VAC14: variants seen among roughly 807,000 people sequenced by gnomAD.
VAC14 encodes the protein protein VAC14 homolog.
Under a neutral mutation model 85.3 loss-of-function variants are expected in VAC14, and 47 were observed. The observed-to-expected ratio is 0.55, with a 90% CI of 0.44 to 0.70. The LOEUF is 0.70. VAC14 is among the 30% of genes least tolerant of loss of function. VAC14 has a pLI of 0.00. For synonymous variants in VAC14, 447 were observed against 430.5 expected (o/e 1.04, Z -0.47); for missense variants, 861 against 1,004.3 (o/e 0.86, Z 1.93).
At chr16:70,691,601 T>C in intron 18 of VAC14, 1 of 985,470 alleles carries the variant, frequency 1.0e-6, no homozygotes, top group Non-Finnish European at 1.2e-6. Flanking sequence ...GGCAGCACCC[T>C]GAGCAGCTGG....
intron 12 of VAC14, among the ~76,000 whole-genome samples, chr16:70,750,727 A>G (rs943203276): frequency 2.0e-5 from 3 of 152,154 alleles, no homozygotes; most frequent in Admixed American, 6.5e-5. Context: ...GGTGAAGTCT[A>G]GTCTCTCTGG....
At chr16:70,746,570 C>T (rs766380226) in intron 12 of VAC14, among the ~76,000 whole-genome samples, 6 of 152,224 alleles carry the variant, frequency 3.9e-5, no homozygotes, top group Non-Finnish European at 7.3e-5. Context: ...GGTGCCCCTC[C>T]ACCCAGGCCA....
intron 14 of VAC14, among the ~76,000 whole-genome samples, chr16:70,723,727 G>C (rs1214177451): frequency 6.6e-6 from 1 of 152,034 alleles, no homozygotes; most frequent in Admixed American, 6.5e-5. Context: ...CCTGAGCTAT[G>C]GGGCTGGGGG....
chr16:70,711,551 T>A (rs2054034927), intron 14 of VAC14, among the ~76,000 whole-genome samples: 1 of 151,986 alleles, frequency 6.6e-6, no homozygotes, highest in Non-Finnish European at 1.5e-5. Flanking sequence ...AACAGAAAGA[T>A]AAAGAGGTCA....
chr16:70,778,392 T>G (rs2033632593), intron 9 of VAC14: 1 of 152,174 alleles, frequency 6.6e-6, no homozygotes, highest in South Asian at 2.1e-4. Context: ...CAGGGGCTGT[T>G]GGGTTCTAAT....
chr16:70,697,413 C>T (rs549600231), intron 15 of VAC14, among the ~76,000 whole-genome samples, 156 bp from the exon 16 acceptor site: 75 of 152,342 alleles, frequency 4.9e-4, no homozygotes, highest in Non-Finnish European at 9.3e-4. Context: ...GGGAACGAGC[C>T]GTCACAAAGG....
chr16:70,798,238 G>A (rs567223197), intron 1 of VAC14, among the ~76,000 whole-genome samples: 2 of 151,972 alleles, frequency 1.3e-5, no homozygotes, highest in African/African-American at 4.8e-5. Context: ...TCTTAAAGGG[G>A]CAACTTACCT....
chr16:70,729,161 C>G (rs1018781097), intron 14 of VAC14, among the ~76,000 whole-genome samples: 1 of 152,202 alleles, frequency 6.6e-6, no homozygotes, highest in African/African-American at 2.4e-5. Flanking sequence ...TACTGGCATT[C>G]AGGGGGCAGA....
Position 70,780,798 on chromosome 16 carries a change from G to A in VAC14, c.1088C>T (p.Thr363Ile). 6.2e-7 allele frequency: 1 copy of A among 1,601,546 alleles called. No homozygotes were observed. The highest frequency in any genetic ancestry group is 2.2e-5 in the East Asian group (1 of 44,684). Residue 363 changes from threonine (T) to isoleucine (I), a missense_variant, in exon 9 of 19, where the codon ACA becomes ATA. Thr to Ile is a moderately conservative substitution (Grantham distance 89, BLOSUM62 -1). This residue lies in a region of VAC14 where 629 missense variants were observed against 703.1 expected (regional missense o/e 0.89). Transcript: ENST00000261776. ...PDDALPKQEGTASGGPDGSCD... is the reference protein window; with the variant it reads ...PDDALPKQEGIASGGPDGSCD... ...GGACGGAGTCCACTCACCACTGGCT[G>A]TGCCCTCCTGCTTTGGCAGGGCATC...
At position 70,744,490 on chromosome 16, in the gene VAC14, G is replaced by T; in HGVS notation, c.1461C>A (p.Asp487Glu). ...TDDPGPLDGP[D>E]LQASHSELQV... is the part of the protein sequence containing the mutation. Reference sequence around the variant, plus strand: ...GGAGCTCTGAGTGGCTGGCCTGGAGGTCAGGGCCATCGAGGGGGCCTGGGT... The same window carrying T: ...GGAGCTCTGAGTGGCTGGCCTGGAGTTCAGGGCCATCGAGGGGGCCTGGGT... The change falls in exon 13 of 19, where the codon GAC (aspartate) becomes GAA (glutamate). Residue 487 changes from aspartate (D) to glutamate (E), a missense_variant. Physicochemically the swap from Asp to Glu is conservative, Grantham distance 45. Coordinates refer to ENST00000261776, the MANE Select transcript of VAC14 (RefSeq NM_018052.5). The T allele has an allele frequency of 6.2e-7, 1 of 1,613,816 alleles. No homozygotes were observed. The highest frequency in any genetic ancestry group is 8.5e-7 in the Non-Finnish European group (1 of 1,180,026).
intron 13 of VAC14, among the ~76,000 whole-genome samples, chr16:70,736,529 C>T (rs966377038): frequency 6.6e-6 from 1 of 152,180 alleles, no homozygotes; most frequent in Non-Finnish European, 1.5e-5. Context: ...CGCTGACAGT[C>T]TGGCTAAAGA....
At chr16:70,702,329 CGAGGTGTCTCCCTCTGAGT>C (rs988358780) in intron 14 of VAC14, among the ~76,000 whole-genome samples, 3 of 152,274 alleles carry the variant, frequency 2.0e-5, no homozygotes, top group Admixed American at 6.5e-5. Context: ...AGCCTCCTCA[CGAGGTGTCTCCCTCTGAGT>C]GAGGTGTCTC....
intron 5 of VAC14, 144 bp from the exon 6 acceptor site, chr16:70,783,698 G>T: frequency 1.3e-6 from 1 of 775,762 alleles, no homozygotes; most frequent in Non-Finnish European, 2.1e-6. Context: ...TGGGAGGAGG[G>T]TGCTGGCAAG....
intron 1 of VAC14, among the ~76,000 whole-genome samples, chr16:70,789,864 C>T (rs905840001): frequency 6.6e-6 from 1 of 152,194 alleles, no homozygotes; most frequent in African/African-American, 2.4e-5. Context: ...CAAGTTACAG[C>T]GACACTAGGA....
intron 12 of VAC14, among the ~76,000 whole-genome samples, chr16:70,751,094 C>T (rs570209028): frequency 8.5e-5 from 13 of 152,310 alleles, no homozygotes; most frequent in South Asian, 2.1e-4. Context: ...GGAGGATGGA[C>T]GGAGAGGCCG....
intron 14 of VAC14, among the ~76,000 whole-genome samples, chr16:70,700,970 C>T (rs1364653762): frequency 3.9e-5 from 6 of 152,086 alleles, no homozygotes; most frequent in South Asian, 2.1e-4. Context: ...GAGGAGGGTG[C>T]GGAGGGAGGG....
At chr16:70,777,242 G>A (rs938408211) in intron 9 of VAC14, among the ~76,000 whole-genome samples, 3 of 152,196 alleles carry the variant, frequency 2.0e-5, no homozygotes, top group Admixed American at 6.5e-5. Flanking sequence ...ACCATGCCCA[G>A]CCATAAACAT....
intron 12 of VAC14, among the ~76,000 whole-genome samples, chr16:70,757,588 C>T (rs1395704997): frequency 6.6e-6 from 1 of 152,204 alleles, no homozygotes; most frequent in Non-Finnish European, 1.5e-5. Context: ...CCCTCAAACA[C>T]CCCTGAGGTC....
intron 13 of VAC14, among the ~76,000 whole-genome samples, chr16:70,742,460 T>A (rs899743897): frequency 6.6e-6 from 1 of 152,214 alleles, no homozygotes; most frequent in African/African-American, 2.4e-5. Context: ...TTGGCCCCCA[T>A]GTACTGACTT....
Sources: allele counts gnomAD v4.1 joint callset (sites outside exome capture counted in the v4.1 genomes callset), GRCh38; gene constraint gnomAD v4.1.1; regional missense constraint gnomAD v4.1.1; transcripts MANE v1.5; gene names NCBI Gene and HGNC (gene_info 2026-07-23, HGNC 2026-07-21).